Variants in RTEL1 observed in about 807,000 individuals in gnomAD.
RTEL1 encodes regulator of telomere length.
Under a neutral mutation model 162.2 loss-of-function variants are expected in RTEL1, and 86 were observed. That is an observed-to-expected ratio of 0.53 (90% CI 0.45 to 0.63). The LOEUF (loss-of-function observed/expected upper bound fraction) is 0.63. Ranked by LOEUF, RTEL1 falls within the 30% of genes least tolerant of loss-of-function variation. RTEL1 has a pLI of 0.00. For missense variants in RTEL1, 1,941 were observed against 1,750.2 expected (o/e 1.11, Z -1.95); for synonymous variants, 958 against 717.9 (o/e 1.33, Z -5.35).
rs746445840 is a variant in RTEL1, at chr20:63,694,932, G to A, written c.3301G>A (p.Ala1101Thr). The A allele has an allele frequency of 1.1e-5, 18 of 1,612,454 alleles. No homozygotes were observed. The highest frequency in any genetic ancestry group is 1.1e-4 in the East Asian group (5 of 44,890). ...CGACAAGGTGCTGGCTGTGTTGGCC[G>A]CCCTGACCACTGCAAAGCCAGAGGA... The part of the protein sequence containing the change: ...DLDKVLAVLA[A>T]LTTAKPEDFP... The change falls in exon 32 of 35, where the codon GCC becomes ACC. Residue 1101 changes from alanine (A) to threonine (T), a missense_variant. By Grantham distance (58) the Ala-to-Thr change is moderately conservative. Coordinates refer to ENST00000360203, the MANE Select transcript of RTEL1 (RefSeq NM_001283009.2).
intron 14 of RTEL1, among the ~76,000 whole-genome samples, chr20:63,684,934 G>T (rs1031262527): frequency 6.6e-6 from 1 of 151,864 alleles, no homozygotes; most frequent in Non-Finnish European, 1.5e-5. Context: ...CTGGAGTGCA[G>T]TGGGACCATC....
In RTEL1 at chr20:63,692,996, G is replaced by C. The variant is rs758337310; in HGVS notation, c.2844G>C (p.Leu948=). 3 of 1,612,550 alleles carry C rather than the reference G, an allele frequency of 1.9e-6. No individual in the cohort carries two copies. The highest frequency in any genetic ancestry group is 2.7e-5 in the African/African-American group (2 of 75,052). ...LFAEDPKKHN[L]LQGFYQFVRP... is the part of the protein sequence containing the mutation. ...CTGAGGACCCCAAGAAGCACAACCT[G>C]CTCCAAGGTGCCCTGGCTTGCAGAG... The change falls in exon 29 of 35, where the codon CTG becomes CTC. Residue 948 remains leucine, a synonymous_variant. Coordinates refer to ENST00000360203, the MANE Select transcript of RTEL1 (RefSeq NM_001283009.2).
rs1301348285 is a variant in RTEL1, at chr20:63,680,865, C to G, written c.1191+146C>G. 2.7e-6 allele frequency: 4 copies of G among 1,490,154 alleles called. No individual in the cohort carries two copies. In the African/African-American group the frequency reaches 4.2e-5, roughly 15 times the overall value. 92.3% of individuals were successfully genotyped at this position (1,490,154 alleles called of 1,614,324 possible). On this transcript the variant is annotated intron_variant, in intron 14 of 34. Coordinates refer to ENST00000360203, the MANE Select transcript of RTEL1 (RefSeq NM_001283009.2). ...GTTTCTGATTGGCAAACTCTCGGCT[C>G]CTTTCCAGTGCCCTAAACCCACACT...
chr20:63,690,820 G>A lies in RTEL1; in HGVS notation c.2429G>A (p.Gly810Glu). Residue 810 changes from glycine to glutamate, a missense_variant, in exon 27 of 35, where the codon GGG becomes GAG. Coordinates refer to ENST00000360203, the MANE Select transcript of RTEL1 (RefSeq NM_001283009.2). ...KQRSSGSPAAGDPESSLCVEY... is the reference protein window; with the variant it reads ...KQRSSGSPAAEDPESSLCVEY... Reference sequence around the variant, plus strand: ...GCCCCTGCAGGGTCACCAGCTGCCGGGGACCCCGAGAGTAGCCTGTGTGTG... The same window carrying A: ...GCCCCTGCAGGGTCACCAGCTGCCGAGGACCCCGAGAGTAGCCTGTGTGTG... 6.2e-7 allele frequency: 1 copy of A among 1,605,154 alleles called. No homozygotes were observed. Among genetic ancestry groups the A allele is most frequent in the Non-Finnish European group, 8.5e-7 (1 of 1,177,688 alleles).
chr20:63,674,718 C>T (rs1451943920), intron 10 of RTEL1, among the ~76,000 whole-genome samples: 1 of 151,418 alleles, frequency 6.6e-6, no homozygotes, highest in Non-Finnish European at 1.5e-5. Flanking sequence ...AAAAGGAAAA[C>T]TAAATATATT....
At chr20:63,686,304 T>C (rs756252449) in intron 16 of RTEL1, 2 of 228,742 alleles carry the variant, frequency 8.7e-6, no homozygotes, top group Non-Finnish European at 1.8e-5. Context: ...CCTGGTGCGC[T>C]CAGCCCCGAG....
chr20:63,664,908 G>A (rs1007706389), intron 6 of RTEL1, among the ~76,000 whole-genome samples: 3 of 152,150 alleles, frequency 2.0e-5, no homozygotes, highest in African/African-American at 7.2e-5. Flanking sequence ...CCCGCCCCTC[G>A]TGCCCCTTCC....
intron 5 of RTEL1, 36 bp from the exon 6 acceptor site, chr20:63,662,793 G>T: frequency 6.2e-7 from 1 of 1,612,414 alleles, no homozygotes; most frequent in Non-Finnish European, 8.5e-7. Flanking sequence ...TTTCTTGGCC[G>T]TGCTTCAGCT....
intron 14 of RTEL1, chr20:63,681,297 C>A: frequency 1.0e-6 from 1 of 985,356 alleles, no homozygotes; most frequent in Middle Eastern, 5.2e-4. Flanking sequence ...GGTGCTTGTC[C>A]GGTTTGTGGA....
rs1466334657 is a variant in RTEL1, at chr20:63,662,636, C to T, written c.477+9C>T. 5.0e-6 allele frequency: 8 copies of T among 1,613,770 alleles called. No individual in the cohort carries two copies. Among genetic ancestry groups the T allele is most frequent in the Non-Finnish European group, 6.8e-6 (8 of 1,179,930 alleles). On this transcript the variant is annotated intron_variant, in intron 5 of 34. Coordinates refer to ENST00000360203, the MANE Select transcript of RTEL1 (RefSeq NM_001283009.2). ...AGAGTAACCATCTACAGGTAGGCTC[C>T]TGGGCTCCCGCTCCGGCTCAGTGTC...
intron 10 of RTEL1, among the ~76,000 whole-genome samples, chr20:63,675,371 G>A (rs1051919115): frequency 3.9e-5 from 6 of 152,144 alleles, no homozygotes; most frequent in African/African-American, 1.4e-4. Context: ...CGGACACCAC[G>A]GGGACCCTGG....
At position 63,690,899 on chromosome 20, in the gene RTEL1, C is replaced by T. The variant is rs147245368; in HGVS notation, c.2508C>T (p.Ala836=). 107 of 1,581,478 alleles carry T rather than the reference C, an allele frequency of 6.8e-5. No individual in the cohort carries two copies. The highest frequency in any genetic ancestry group is 4.2e-4 in the Middle Eastern group (2 of 4,706). The change falls in exon 27 of 35, where the codon GCC becomes GCT. Residue 836 remains alanine, a synonymous_variant. Coordinates refer to ENST00000360203, the MANE Select transcript of RTEL1 (RefSeq NM_001283009.2). ...GGCAGAGGCCCAGGGGGCTGCTGGC[C>T]GCCCTGGAGCACAGCGAACAGCGGG... ...PARQRPRGLL[A]ALEHSEQRAG... is the part of the protein sequence containing the mutation.
At chr20:63,682,007 T>TCA in intron 14 of RTEL1, 1 of 985,348 alleles carries the variant, frequency 1.0e-6, no homozygotes, top group Non-Finnish European at 1.2e-6. Context: ...CCCTGATGGG[T>TCA]CACTGCAAAG....
intron 12 of RTEL1, among the ~76,000 whole-genome samples, chr20:63,678,935 C>T (rs185867939): frequency 6.8e-4 from 104 of 152,174 alleles, no homozygotes; most frequent in Non-Finnish European, 1.4e-3. Context: ...CACTCTCCCA[C>T]GCGGGGCCGC....
intron 30 of RTEL1, among the ~76,000 whole-genome samples, chr20:63,693,948 C>T (rs941456091): frequency 6.6e-6 from 1 of 151,356 alleles, no homozygotes; most frequent in African/African-American, 2.4e-5. Context: ...CCCTGTCCTC[C>T]CTGTTTCTGC....
In RTEL1 at chr20:63,659,214, G is replaced by C; in HGVS notation, c.-170-19G>C. The C allele has an allele frequency of 1.6e-6, 1 of 612,504 alleles. No homozygotes were observed. Among genetic ancestry groups the C allele is most frequent in the East Asian group, 2.8e-5 (1 of 35,818 alleles). 37.9% of individuals were successfully genotyped at this position (612,504 alleles called of 1,614,324 possible). A position where few individuals can be genotyped will look rare whatever the true frequency, so the allele number is the denominator to read the frequency against. ...CCCACAAAGGCTGTCTACAAACAGAGTCTTACTGTCTTTCCCAGGTCTGTG... is the reference window on the plus strand; with the variant it reads ...CCCACAAAGGCTGTCTACAAACAGACTCTTACTGTCTTTCCCAGGTCTGTG... On this transcript the variant is annotated intron_variant, in intron 1 of 34. Coordinates refer to ENST00000360203, the MANE Select transcript of RTEL1 (RefSeq NM_001283009.2).
At chr20:63,669,608 A>C (rs1392171894) in intron 8 of RTEL1, among the ~76,000 whole-genome samples, 6 of 152,244 alleles carry the variant, frequency 3.9e-5, no homozygotes, top group Admixed American at 3.9e-4. Flanking sequence ...CAAACAACCC[A>C]CTTAACCACT....
intron 17 of RTEL1, 46 bp from the exon 18 acceptor site, chr20:63,687,891 G>C (rs769003206): frequency 6.2e-7 from 1 of 1,604,444 alleles, no homozygotes; most frequent in Non-Finnish European, 8.5e-7. Context: ...GGCTAAAGGG[G>C]TGCTGGTGCA....
At chr20:63,685,227 C>G (rs965769326) in intron 14 of RTEL1, among the ~76,000 whole-genome samples, 1 of 152,116 alleles carries the variant, frequency 6.6e-6, no homozygotes, top group Non-Finnish European at 1.5e-5. Context: ...CTCAGGGGCA[C>G]AGAGAGGAGG....
Sources: gnomAD v4.1 joint callset for allele counts (sites outside exome capture counted in the v4.1 genomes callset) on GRCh38, gnomAD v4.1.1 for gene constraint, MANE v1.5 for transcripts, NCBI Gene and HGNC (gene_info 2026-07-23, HGNC 2026-07-21) for gene names.